Variants in SEMA3E observed in about 807,000 individuals in gnomAD.
SEMA3E encodes the protein semaphorin 3E.
In SEMA3E, 49 loss-of-function variants were observed where a neutral mutation model predicts 93.6. The observed-to-expected ratio is 0.52, with a 90% CI of 0.42 to 0.66. The LOEUF is 0.66. Ranked by LOEUF, SEMA3E falls within the 30% of genes least tolerant of loss-of-function variation. The pLI is 0.00. For missense variants in SEMA3E, 906 were observed against 964.8 expected (o/e 0.94, Z 0.81); for synonymous variants, 363 against 330.7 (o/e 1.10, Z -1.06).
At chr7:83,508,956 G>T (rs777505414) in intron 1 of SEMA3E, among the ~76,000 whole-genome samples, 12 of 152,090 alleles carry the variant, frequency 7.9e-5, no homozygotes, top group Non-Finnish European at 1.6e-4. Context: ...GAAGCTTAAT[G>T]TTTTCAGTAG....
intron 3 of SEMA3E, 114 bp downstream of exon 3, chr7:83,469,129 C>A: frequency 1.2e-6 from 1 of 805,090 alleles, no homozygotes; most frequent in Non-Finnish European, 2.1e-6. Context: ...CTTCATGAAC[C>A]AAATTGCATA....
intron 11 of SEMA3E, among the ~76,000 whole-genome samples, chr7:83,398,354 A>T (rs1445031965): frequency 6.6e-6 from 1 of 152,184 alleles, no homozygotes; most frequent in Non-Finnish European, 1.5e-5. Flanking sequence ...TTAAAGTAAC[A>T]GAAAAAAACC....
intron 1 of SEMA3E, among the ~76,000 whole-genome samples, chr7:83,581,397 AC>A (rs1239094268): frequency 1.3e-5 from 2 of 152,054 alleles, no homozygotes; most frequent in African/African-American, 4.8e-5. Context: ...TGTTGCAAGA[AC>A]AAGGAAGTGA....
chr7:83,573,203 A>T, intron 1 of SEMA3E, among the ~76,000 whole-genome samples: 1 of 152,266 alleles, frequency 6.6e-6, no homozygotes, highest in Non-Finnish European at 1.5e-5. Flanking sequence ...AACAAGCAAA[A>T]AACAAATAAT....
At chr7:83,484,168 T>C (rs941207387) in intron 2 of SEMA3E, among the ~76,000 whole-genome samples, 1 of 152,200 alleles carries the variant, frequency 6.6e-6, no homozygotes, top group African/African-American at 2.4e-5. Context: ...GATATGGTGG[T>C]GGCTTTTTTA....
At chr7:83,596,721 T>C (rs941853806) in intron 1 of SEMA3E, among the ~76,000 whole-genome samples, 2 of 152,042 alleles carry the variant, frequency 1.3e-5, no homozygotes, top group African/African-American at 4.8e-5. Context: ...TAGGATCTCT[T>C]TTTATTGAAG....
chr7:83,534,875 A>G (rs1746994419), intron 1 of SEMA3E, among the ~76,000 whole-genome samples: 1 of 152,204 alleles, frequency 6.6e-6, no homozygotes, highest in Non-Finnish European at 1.5e-5. Context: ...AGAGGTTGGA[A>G]AAGGAATGAG....
chr7:83,493,166 T>C (rs1790418785), intron 1 of SEMA3E, among the ~76,000 whole-genome samples: 3 of 152,144 alleles, frequency 2.0e-5, no homozygotes, highest in Admixed American at 2.0e-4. Flanking sequence ...AGATGTTTTA[T>C]GGAGTCCTTT....
At chr7:83,479,309 T>G (rs573501839) in intron 2 of SEMA3E, among the ~76,000 whole-genome samples, 1 of 152,294 alleles carries the variant, frequency 6.6e-6, no homozygotes, top group East Asian at 1.9e-4. Context: ...CTCCGAAACT[T>G]TCTTAGCATT....
intron 1 of SEMA3E, among the ~76,000 whole-genome samples, chr7:83,531,341 C>T (rs377361458): frequency 7.3e-3 from 499 of 67,906 alleles, no homozygotes; most frequent in Middle Eastern, 0.022. Context: ...TTGGAATATT[C>T]TTTTTTTTTT....
intron 9 of SEMA3E, among the ~76,000 whole-genome samples, chr7:83,404,332 T>A (rs956753004): frequency 1.3e-5 from 2 of 151,852 alleles, no homozygotes; most frequent in African/African-American, 4.8e-5. Flanking sequence ...AACTACCTAC[T>A]GAAAAATAAC....
intron 5 of SEMA3E, among the ~76,000 whole-genome samples, chr7:83,416,473 G>C (rs900338888): frequency 6.6e-6 from 1 of 152,032 alleles, no homozygotes; most frequent in Non-Finnish European, 1.5e-5. Flanking sequence ...GAGTGGCAAG[G>C]TGGTCATAGA....
chr7:83,610,522 C>A (rs1277775322), intron 1 of SEMA3E, among the ~76,000 whole-genome samples: 1 of 152,016 alleles, frequency 6.6e-6, no homozygotes, highest in Non-Finnish European at 1.5e-5. Flanking sequence ...TGCTGCTCTG[C>A]AATTTTACAT....
chr7:83,463,130 C>T (rs1789665986), intron 4 of SEMA3E, among the ~76,000 whole-genome samples: 1 of 148,902 alleles, frequency 6.7e-6, no homozygotes, highest in African/African-American at 2.4e-5. Context: ...GCTCTCCCTG[C>T]AATCGTGTCC....
intron 4 of SEMA3E, among the ~76,000 whole-genome samples, chr7:83,458,624 T>A (rs888975131): frequency 6.6e-6 from 1 of 151,782 alleles, no homozygotes; most frequent in Admixed American, 6.6e-5. Flanking sequence ...ATTGCAAGTT[T>A]ACATGGGCTA....
Position 83,627,305 on chromosome 7 carries a change from T to G in SEMA3E, c.115+21123A>C, listed in dbSNP as rs1793688931. Among the ~76,000 whole-genome samples, 4 of 152,266 alleles carry G rather than the reference T, an allele frequency of 2.6e-5. No individual in the cohort carries two copies. In the South Asian group the frequency reaches 8.3e-4, roughly 32 times the overall value. ...TCTGTCTAATATTGACAGTGGGGTG[T>G]TAAAGTCTCCCACTATTATTGTGTG... On this transcript the variant is annotated intron_variant, in intron 1 of 16. Transcript: ENST00000643230.
chr7:83,502,135 A>C (rs1205039338), intron 1 of SEMA3E, among the ~76,000 whole-genome samples: 1 of 152,032 alleles, frequency 6.6e-6, no homozygotes, highest in Non-Finnish European at 1.5e-5. Context: ...ATTTGTCCTG[A>C]TTCTTCTTTC....
At chr7:83,545,064 G>A (rs1469029025) in intron 1 of SEMA3E, among the ~76,000 whole-genome samples, 3 of 151,990 alleles carry the variant, frequency 2.0e-5, no homozygotes, top group Non-Finnish European at 4.4e-5. Flanking sequence ...TACATTAATA[G>A]GAAACTTAGG....
chr7:83,500,089 C>A (rs1790565959), intron 1 of SEMA3E, among the ~76,000 whole-genome samples: 1 of 152,070 alleles, frequency 6.6e-6, no homozygotes, highest in Non-Finnish European at 1.5e-5. Context: ...TTAAGGAAGC[C>A]AAGAATATAT....
Sources: gnomAD v4.1 joint callset for allele counts (sites outside exome capture counted in the v4.1 genomes callset) on GRCh38, gnomAD v4.1.1 for gene constraint, MANE v1.5 for transcripts, NCBI Gene and HGNC (gene_info 2026-07-23, HGNC 2026-07-21) for gene names.